TRPS1: variants seen among roughly 807,000 people sequenced by gnomAD.
TRPS1 encodes transcriptional repressor GATA binding 1.
A neutral mutation model predicts 101.2 loss-of-function variants in TRPS1; 6 were observed. The ratio of observed to expected loss-of-function variants is 0.06; its 90% CI spans 0.03 to 0.12. The LOEUF is 0.12. Among genes scored for constraint, TRPS1 ranks in the 10% least tolerant of loss-of-function variants. The pLI is 1.00. For missense variants in TRPS1, 1,363 were observed against 1,567.0 expected (o/e 0.87, Z 2.20); for synonymous variants, 578 against 589.8 (o/e 0.98, Z 0.29).
At chr8:115,622,248 AT>A (rs1280855510) in intron 2 of TRPS1, among the ~76,000 whole-genome samples, 1 of 152,046 alleles carries the variant, frequency 6.6e-6, no homozygotes, top group Non-Finnish European at 1.5e-5. Flanking sequence ...TCAATGTCTT[AT>A]GTGTTATGTC....
rs1264385580 is a variant in TRPS1, at chr8:115,587,325, T to C, written c.2376A>G (p.Lys792=). 6.2e-7 allele frequency: 1 copy of C among 1,614,178 alleles called. No individual in the cohort carries two copies. The highest frequency in any genetic ancestry group is 8.5e-7 in the Non-Finnish European group (1 of 1,180,014). Residue 792 remains lysine, a synonymous_variant, in exon 5 of 7, where the codon AAA becomes AAG. Transcript: ENST00000395715. ...CATCACTGGAACTCTCGGTCCAAAC[T>C]TTCTCTTTGAGCCCGTCCTTCTCTT... ...KLEEKDGLKE[K]VWTESSSDDL...
chr8:115,431,721 T>C (rs963173380), intron 5 of TRPS1, among the ~76,000 whole-genome samples: 1 of 151,910 alleles, frequency 6.6e-6, no homozygotes, highest in Non-Finnish European at 1.5e-5. Flanking sequence ...TTCTTTCATA[T>C]AGTGTAGCCA....
chr8:115,589,452 G>A (rs1483790061), intron 4 of TRPS1, among the ~76,000 whole-genome samples: 1 of 152,154 alleles, frequency 6.6e-6, no homozygotes, highest in Non-Finnish European at 1.5e-5. Flanking sequence ...TATTTGTTGA[G>A]AGTGCTTAAT....
At position 115,668,569 on chromosome 8, in the gene TRPS1, C is replaced by T. The variant is rs1338204624; in HGVS notation, c.-146G>A. 6.7e-6 allele frequency: 1 copy of T among 149,662 alleles called. No homozygotes were observed. Among genetic ancestry groups the T allele is most frequent in the Non-Finnish European group, 1.5e-5 (1 of 67,228 alleles). The allele number at this position is 149,662 out of a possible 1,614,324, so 9.3% of individuals were successfully genotyped here. On this transcript the variant is annotated 5_prime_UTR_variant, in exon 1 of 7. Transcript: ENST00000395715. ...CCTGTTGATTAATCGTCAAGAACAC[C>T]CTCGGCAGCCCGAAAGATGGTGGCG...
At chr8:115,416,253 G>T (rs932912162) in intron 6 of TRPS1, among the ~76,000 whole-genome samples, 1 of 151,762 alleles carries the variant, frequency 6.6e-6, no homozygotes, top group Non-Finnish European at 1.5e-5. Flanking sequence ...TATATAATAT[G>T]ACTTAAATCC....
chr8:115,573,686 C>A (rs1817256842), intron 5 of TRPS1, among the ~76,000 whole-genome samples: 1 of 152,108 alleles, frequency 6.6e-6, no homozygotes, highest in African/African-American at 2.4e-5. Flanking sequence ...TGGAATGGTT[C>A]CCTATTTCCT....
intron 5 of TRPS1, among the ~76,000 whole-genome samples, chr8:115,542,349 T>A (rs1816473235): frequency 6.6e-6 from 1 of 152,206 alleles, no homozygotes; most frequent in Non-Finnish European, 1.5e-5. Context: ...TGGAATCCTT[T>A]CTTGCACCCA....
chr8:115,478,245 T>C (rs1814655131), intron 5 of TRPS1, among the ~76,000 whole-genome samples: 2 of 152,226 alleles, frequency 1.3e-5, no homozygotes, highest in African/African-American at 4.8e-5. Context: ...TTTATATTCC[T>C]TTTCTCAATA....
At chr8:115,417,787 GC>G (rs1812957513) in intron 6 of TRPS1, among the ~76,000 whole-genome samples, 1 of 152,052 alleles carries the variant, frequency 6.6e-6, no homozygotes, top group Admixed American at 6.6e-5. Context: ...CCCACTGAAG[GC>G]CCTGGGGAGA....
At chr8:115,666,774 C>G (rs1328188593) in intron 1 of TRPS1, among the ~76,000 whole-genome samples, 1 of 152,214 alleles carries the variant, frequency 6.6e-6, no homozygotes, top group Non-Finnish European at 1.5e-5. Flanking sequence ...CAAGTTTTAG[C>G]CAACAACCAG....
At chr8:115,648,492 G>C (rs1811481289) in intron 1 of TRPS1, among the ~76,000 whole-genome samples, 1 of 152,176 alleles carries the variant, frequency 6.6e-6, no homozygotes, top group South Asian at 2.1e-4. Context: ...AGCTCCTGTT[G>C]TGTCGCCGCT....
At chr8:115,645,387 A>AT (rs1195411941) in intron 1 of TRPS1, among the ~76,000 whole-genome samples, 1 of 152,178 alleles carries the variant, frequency 6.6e-6, no homozygotes, top group Non-Finnish European at 1.5e-5. Flanking sequence ...ATAACAAACC[A>AT]TTTTTATTAA....
chr8:115,528,535 C>T (rs1025998525), intron 5 of TRPS1, among the ~76,000 whole-genome samples: 1 of 152,032 alleles, frequency 6.6e-6, no homozygotes, highest in Non-Finnish European at 1.5e-5. Context: ...CACACCTGAT[C>T]TCTAATTTTC....
intron 3 of TRPS1, among the ~76,000 whole-genome samples, chr8:115,606,807 C>CAAA (rs72238288): frequency 8.1e-6 from 1 of 123,454 alleles, no homozygotes; most frequent in Non-Finnish European, 1.8e-5. Flanking sequence ...GTTCATTTGC[C>CAAA]AAAAAAAAAA....
chr8:115,453,335 A>C (rs952833097), intron 5 of TRPS1, among the ~76,000 whole-genome samples: 3 of 152,146 alleles, frequency 2.0e-5, no homozygotes, highest in African/African-American at 7.2e-5. Context: ...CAATATTTTT[A>C]AACCTAAAGT....
Position 115,553,977 on chromosome 8 carries a change from T to TAGGA in TRPS1, c.2700+33023_2700+33024insTCCT, listed in dbSNP as rs1163684553. On this transcript the variant is annotated intron_variant, in intron 5 of 6. Coordinates refer to ENST00000395715, the MANE Select transcript of TRPS1 (RefSeq NM_014112.5). ...AACTTGAATTCCAAATTTATAGTCT[T>TAGGA]TATTAAACACTTACTTTTTTCCAAA... is the stretch of plus-strand genomic sequence containing the variant. Among the ~76,000 whole-genome samples, 18 of 152,332 alleles carry TAGGA rather than the reference T, an allele frequency of 1.2e-4. No individual in the cohort carries two copies. In the South Asian group the frequency reaches 3.7e-3, roughly 32 times the overall value.
chr8:115,645,829 C>T (rs951988531), intron 1 of TRPS1, among the ~76,000 whole-genome samples: 6 of 152,070 alleles, frequency 3.9e-5, no homozygotes, highest in African/African-American at 1.4e-4. Flanking sequence ...ACCTTGAACT[C>T]GGCACTATTG....
At chr8:115,420,667 G>A (rs1355117057) in intron 5 of TRPS1, among the ~76,000 whole-genome samples, 1 of 152,144 alleles carries the variant, frequency 6.6e-6, no homozygotes, top group Non-Finnish European at 1.5e-5. Context: ...CAAAGAAAAT[G>A]CCTTTCATTA....
At chr8:115,647,850 T>C (rs956106156) in intron 1 of TRPS1, among the ~76,000 whole-genome samples, 43 of 152,154 alleles carry the variant, frequency 2.8e-4, no homozygotes, top group Admixed American at 2.5e-3. Flanking sequence ...ATTAATAACC[T>C]ATGCCATCAT....
Sources: allele counts gnomAD v4.1 joint callset (sites outside exome capture counted in the v4.1 genomes callset), GRCh38; gene constraint gnomAD v4.1.1; transcripts MANE v1.5; gene names NCBI Gene and HGNC (gene_info 2026-07-23, HGNC 2026-07-21).